The following IL1RAPL2 variants were observed in gnomAD, a reference collection of about 807,000 sequenced individuals.
IL1RAPL2 encodes interleukin 1 receptor accessory protein like 2, also known as X-linked interleukin-1 receptor accessory protein-like 2.
IL1RAPL2 carries 3 observed loss-of-function variants against 44.1 expected under a neutral mutation model. The ratio of observed to expected loss-of-function variants is 0.07; its 90% confidence interval spans 0.03 to 0.18. The LOEUF is 0.18. IL1RAPL2 is among the 10% of genes least tolerant of loss of function. The probability of loss-of-function intolerance (pLI) is 1.00; values close to 1 mark genes in which losing one functional copy is unlikely to be tolerated. For synonymous variants in IL1RAPL2, 181 were observed against 178.8 expected (o/e 1.01, Z -0.10); for missense variants, 391 against 496.4 (o/e 0.79, Z 2.02).
intron 2 of IL1RAPL2, among the ~76,000 whole-genome samples, chrX:104,787,493 A>C (rs1317477910): frequency 8.9e-6 from 1 of 111,764 alleles, no homozygotes; most frequent in Non-Finnish European, 1.9e-5. Context: ...GTGAGTCTAC[A>C]GATGTCAAGA....
At chrX:105,367,469 A>G (rs2035304089) in intron 5 of IL1RAPL2, among the ~76,000 whole-genome samples, 2 of 110,573 alleles carry the variant, frequency 1.8e-5, no homozygotes, top group African/African-American at 6.6e-5. Context: ...ATTTTCTTTA[A>G]TGGTTTACCT....
chrX:104,961,547 C>A (rs964030650), intron 2 of IL1RAPL2, among the ~76,000 whole-genome samples: 5 of 111,632 alleles, frequency 4.5e-5, no homozygotes, highest in African/African-American at 1.6e-4. Flanking sequence ...AGTCTTAGTT[C>A]AATTGTCACC....
At chrX:105,407,208 G>GA (rs2035653356) in intron 5 of IL1RAPL2, among the ~76,000 whole-genome samples, 1 of 110,002 alleles carries the variant, frequency 9.1e-6, no homozygotes, top group Non-Finnish European at 1.9e-5. Flanking sequence ...GTGCATAAGG[G>GA]AAAAAACTGA....
chrX:105,037,425 G>T (rs1213450415), intron 2 of IL1RAPL2, among the ~76,000 whole-genome samples: 1 of 111,210 alleles, frequency 9.0e-6, no homozygotes, highest in Non-Finnish European at 1.9e-5. Context: ...TGCCAGACTG[G>T]GGAGTGTGGA....
chrX:105,554,533 A>C (rs909949151), intron 6 of IL1RAPL2, among the ~76,000 whole-genome samples: 2 of 111,175 alleles, frequency 1.8e-5, no homozygotes, highest in Non-Finnish European at 3.8e-5. Context: ...CCCACCCTCC[A>C]CATTTTTGGA....
intron 6 of IL1RAPL2, among the ~76,000 whole-genome samples, chrX:105,509,664 G>A (rs1254699780): frequency 1.8e-5 from 2 of 111,599 alleles, no homozygotes; most frequent in African/African-American, 6.5e-5. Context: ...GTAGGTTGTA[G>A]CCACAGAATA....
At chrX:105,259,307 A>T (rs1251376535) in intron 4 of IL1RAPL2, among the ~76,000 whole-genome samples, 1 of 111,562 alleles carries the variant, frequency 9.0e-6, no homozygotes, top group Non-Finnish European at 1.9e-5. Flanking sequence ...GTTTCCTCAC[A>T]TTTGGAGCCC....
chrX:105,029,279 T>C (rs1289737360), intron 2 of IL1RAPL2, among the ~76,000 whole-genome samples: 1 of 106,789 alleles, frequency 9.4e-6, no homozygotes, highest in South Asian at 4.2e-4. Context: ...ACTTTAAGTT[T>C]TAGGGTACAT....
chrX:104,943,236 C>T (rs1349337857), intron 2 of IL1RAPL2, among the ~76,000 whole-genome samples: 1 of 110,378 alleles, frequency 9.1e-6, no homozygotes, highest in East Asian at 2.9e-4. Context: ...CTGCAGATTC[C>T]CTTTGTGATC....
intron 1 of IL1RAPL2, among the ~76,000 whole-genome samples, chrX:104,606,165 C>T (rs1430152215): frequency 1.8e-5 from 2 of 112,194 alleles, no homozygotes; most frequent in African/African-American, 6.5e-5. Context: ...TCTGGTTCAA[C>T]ATATGCAAAT....
At chrX:104,853,809 A>T (rs1390762250) in intron 2 of IL1RAPL2, among the ~76,000 whole-genome samples, 1 of 105,796 alleles carries the variant, frequency 9.5e-6, no homozygotes, top group Non-Finnish European at 1.9e-5. Flanking sequence ...AGGCTGAGGC[A>T]GGAGAATGGC....
At chrX:105,285,740 G>A (rs991670697) in intron 5 of IL1RAPL2, among the ~76,000 whole-genome samples, 1 of 111,769 alleles carries the variant, frequency 8.9e-6, no homozygotes, top group Admixed American at 9.5e-5. Context: ...GCTTTTTTAT[G>A]CCAAATTTAA....
intron 2 of IL1RAPL2, among the ~76,000 whole-genome samples, chrX:105,160,049 C>T (rs2033308744): frequency 1.0e-5 from 1 of 98,834 alleles, no homozygotes; most frequent in Non-Finnish European, 2.0e-5. Flanking sequence ...TTTCACAAAG[C>T]GTAATCTATT....
intron 2 of IL1RAPL2, among the ~76,000 whole-genome samples, chrX:105,027,438 T>A (rs763604720): frequency 8.1e-5 from 9 of 111,029 alleles, no homozygotes; most frequent in Non-Finnish European, 1.7e-4. Context: ...GAAGGATTAA[T>A]AACCACAATA....
chrX:104,833,727 C>T (rs961318853), intron 2 of IL1RAPL2, among the ~76,000 whole-genome samples: 4 of 111,613 alleles, frequency 3.6e-5, no homozygotes, highest in Non-Finnish European at 7.5e-5. Context: ...ACTTCTGTTA[C>T]TAAAAAAGAT....
At chrX:104,762,453 G>A (rs895233330) in intron 2 of IL1RAPL2, among the ~76,000 whole-genome samples, 3 of 112,042 alleles carry the variant, frequency 2.7e-5, no homozygotes, top group African/African-American at 9.7e-5. Flanking sequence ...TCATGGGCTG[G>A]CATTGAGTGT....
At chrX:105,226,605 G>A (rs187338785) in intron 3 of IL1RAPL2, among the ~76,000 whole-genome samples, 85 of 108,228 alleles carry the variant, frequency 7.9e-4, no homozygotes, top group African/African-American at 2.8e-3. Context: ...GTTTTGTTAC[G>A]TTGGCCAGGC....
At chrX:104,749,935 G>A (rs1304491095) in intron 2 of IL1RAPL2, among the ~76,000 whole-genome samples, 6 of 111,954 alleles carry the variant, frequency 5.4e-5, no homozygotes, top group African/African-American at 1.6e-4. Context: ...ATTTCTCATA[G>A]GTTTAGGAAA....
At chrX:104,881,036 A>AT (rs1162672153) in intron 2 of IL1RAPL2, among the ~76,000 whole-genome samples, 3 of 111,624 alleles carry the variant, frequency 2.7e-5, no homozygotes, top group Non-Finnish European at 5.7e-5. Flanking sequence ...GCAGTTTAAT[A>AT]TTTTTTTAAG....
Sources: gnomAD v4.1 joint callset for allele counts (sites outside exome capture counted in the v4.1 genomes callset) on GRCh38, gnomAD v4.1.1 for gene constraint, MANE v1.5 for transcripts, NCBI Gene and HGNC (gene_info 2026-07-23, HGNC 2026-07-21) for gene names.